NCAM1: variants seen among roughly 807,000 people sequenced by gnomAD.
NCAM1 encodes the protein antigen recognized by monoclonal antibody 5.1H11.
Under a neutral mutation model 109.8 loss-of-function variants are expected in NCAM1, and 14 were observed. The observed-to-expected ratio is 0.13, with a 90% CI of 0.08 to 0.20. The LOEUF (loss-of-function observed/expected upper bound fraction) is 0.20, where lower values mean the gene tolerates loss of function less well. Among genes scored for constraint, NCAM1 ranks in the 10% least tolerant of loss-of-function variants. NCAM1 has a pLI of 1.00. For synonymous variants in NCAM1, 418 were observed against 442.9 expected (o/e 0.94, Z 0.70); for missense variants, 774 against 1,109.9 (o/e 0.70, Z 4.30).
In NCAM1 at chr11:113,252,799, CTTTTTTTTTTTT is replaced by C. The variant is rs33948720; in HGVS notation, c.1829-3058_1829-3047del. Among the ~76,000 whole-genome samples the C allele has an allele frequency of 5.5e-4, 22 of 39,720 alleles. 1 individual carries two copies. The South Asian group carries it at 6.2e-3, about 11-fold the overall frequency. The allele number at this position is 39,720 out of a possible 152,430, so 26.1% of individuals were successfully genotyped here. ...TACAGGCACATGCCACTATGCCCAGCTTTTTTTTTTTTTTTTTTTTTTTTTTTTTTTGGTAGA... is the reference window on the plus strand; with the variant it reads ...TACAGGCACATGCCACTATGCCCAGCTTTTTTTTTTTTTTTTTTTGGTAGA... On this transcript the variant is annotated intron_variant, in intron 15 of 19. Coordinates refer to ENST00000316851, the MANE Select transcript of NCAM1 (RefSeq NM_181351.5).
At chr11:113,060,235 A>G (rs1194512115) in intron 1 of NCAM1, among the ~76,000 whole-genome samples, 3 of 152,184 alleles carry the variant, frequency 2.0e-5, no homozygotes, top group Non-Finnish European at 2.9e-5. Context: ...TTGCGACATC[A>G]TGGTTTATGA....
chr11:113,064,470 A>G (rs960793065), intron 1 of NCAM1, among the ~76,000 whole-genome samples: 9 of 152,236 alleles, frequency 5.9e-5, no homozygotes, highest in Non-Finnish European at 1.2e-4. Context: ...TTAAAATTAT[A>G]CCAATATACC....
At chr11:113,129,348 ATT>A (rs1941304396) in intron 1 of NCAM1, among the ~76,000 whole-genome samples, 1 of 152,028 alleles carries the variant, frequency 6.6e-6, no homozygotes, top group Non-Finnish European at 1.5e-5. Context: ...TTTCTACATA[ATT>A]TTCTGTGCAT....
intron 1 of NCAM1, among the ~76,000 whole-genome samples, chr11:113,196,358 C>G (rs555937635): frequency 1.3e-5 from 2 of 152,288 alleles, no homozygotes; most frequent in African/African-American, 2.4e-5. Flanking sequence ...TTCTGACCAG[C>G]AATTCAAATG....
At chr11:112,989,026 A>G (rs1479123806) in intron 1 of NCAM1, among the ~76,000 whole-genome samples, 1 of 152,082 alleles carries the variant, frequency 6.6e-6, no homozygotes, top group African/African-American at 2.4e-5. Context: ...GGGATTACAG[A>G]CATGAACCAC....
At position 113,141,883 on chromosome 11, in the gene NCAM1, G is replaced by C. The variant is rs541083588; in HGVS notation, c.53-60496G>C. 2.0e-5 allele frequency among the ~76,000 whole-genome samples: 3 copies of C among 152,230 alleles called. No homozygotes were observed. The South Asian group carries it at 6.2e-4, about 32-fold the overall frequency. On this transcript the variant is annotated intron_variant, in intron 1 of 19. Coordinates refer to ENST00000316851, the MANE Select transcript of NCAM1 (RefSeq NM_181351.5). Reference sequence around the variant, plus strand: ...GTGTTCATTCCAGTCGTATATAAAAGTAGGAGTTGAAAGAAGGATTAAGAC... The same window carrying C: ...GTGTTCATTCCAGTCGTATATAAAACTAGGAGTTGAAAGAAGGATTAAGAC...
At chr11:113,188,855 C>T (rs1555109334) in intron 1 of NCAM1, among the ~76,000 whole-genome samples, 1 of 150,080 alleles carries the variant, frequency 6.7e-6, no homozygotes, top group Non-Finnish European at 1.5e-5. Flanking sequence ...GTGTGTCTCC[C>T]TGTGTGTATG....
intron 1 of NCAM1, among the ~76,000 whole-genome samples, chr11:113,009,955 A>G (rs1785029): frequency 6.6e-6 from 1 of 152,166 alleles, no homozygotes; most frequent in African/African-American, 2.4e-5. Flanking sequence ...TACAATTCCC[A>G]GTGTAAGCAG....
At chr11:113,178,253 G>A (rs916400739) in intron 1 of NCAM1, among the ~76,000 whole-genome samples, 2 of 152,140 alleles carry the variant, frequency 1.3e-5, no homozygotes, top group Non-Finnish European at 2.9e-5. Context: ...AAAAATGGGG[G>A]CCAAATGGGA....
intron 1 of NCAM1, among the ~76,000 whole-genome samples, chr11:113,035,115 G>A (rs1952831039): frequency 1.3e-5 from 2 of 152,182 alleles, no homozygotes; most frequent in Non-Finnish European, 2.9e-5. Context: ...TAAGCACTGA[G>A]TAAAACAGTT....
At chr11:113,116,297 G>A (rs1305186300) in intron 1 of NCAM1, among the ~76,000 whole-genome samples, 12 of 152,120 alleles carry the variant, frequency 7.9e-5, no homozygotes, top group Admixed American at 7.9e-4. Flanking sequence ...GTCCATTCAG[G>A]CAACTGCCCT....
intron 1 of NCAM1, among the ~76,000 whole-genome samples, chr11:113,169,755 G>A (rs1942931529): frequency 6.6e-6 from 1 of 151,774 alleles, no homozygotes; most frequent in South Asian, 2.1e-4. Flanking sequence ...AGCCTACAGA[G>A]TAGCTGGGAT....
chr11:113,216,182 G>GCT (rs1290126553), intron 8 of NCAM1, among the ~76,000 whole-genome samples: 67 of 125,408 alleles, frequency 5.3e-4, no homozygotes, highest in Middle Eastern at 5.9e-3. Context: ...ACGGAGTCTC[G>GCT]CTGTCGCCCA....
chr11:113,254,988 C>A (rs1406872563), intron 15 of NCAM1, among the ~76,000 whole-genome samples: 1 of 152,180 alleles, frequency 6.6e-6, no homozygotes, highest in Non-Finnish European at 1.5e-5. Context: ...CTAGCCCTAG[C>A]AGTTTGTCAC....
intron 1 of NCAM1, among the ~76,000 whole-genome samples, chr11:113,011,175 A>G: frequency 7.7e-6 from 1 of 130,346 alleles, no homozygotes; most frequent in Admixed American, 9.1e-5. Context: ...ATGTGATCTC[A>G]TTGTTCAATT....
At chr11:113,197,231 C>A in intron 1 of NCAM1, 1 of 238,658 alleles carries the variant, frequency 4.2e-6, no homozygotes, top group Non-Finnish European at 9.3e-6. Flanking sequence ...GGACACAGAG[C>A]CAAACTATCT....
intron 1 of NCAM1, among the ~76,000 whole-genome samples, chr11:112,971,228 C>T (rs1419405183): frequency 6.8e-6 from 1 of 146,136 alleles, no homozygotes; most frequent in Non-Finnish European, 1.5e-5. Flanking sequence ...ACTTCAATTT[C>T]TCTCTCTCTC....
chr11:113,008,811 G>T (rs1439976096), intron 1 of NCAM1, among the ~76,000 whole-genome samples: 1 of 152,172 alleles, frequency 6.6e-6, no homozygotes, highest in Non-Finnish European at 1.5e-5. Context: ...ATCCCCTGGA[G>T]ATCATTCTTA....
chr11:113,241,775 T>C (rs529266925), intron 14 of NCAM1, among the ~76,000 whole-genome samples: 1 of 152,330 alleles, frequency 6.6e-6, no homozygotes, highest in African/African-American at 2.4e-5. Context: ...AATGCCAGCA[T>C]CTGCCCAGAG....
Sources: gnomAD v4.1 joint callset for allele counts (sites outside exome capture counted in the v4.1 genomes callset) on GRCh38, gnomAD v4.1.1 for gene constraint, MANE v1.5 for transcripts, NCBI Gene and HGNC (gene_info 2026-07-23, HGNC 2026-07-21) for gene names.